NACC2: variants seen among roughly 807,000 people sequenced by gnomAD.
NACC2 encodes the protein NACC family member 2.
A neutral mutation model predicts 25.1 loss-of-function variants in NACC2; 8 were observed. The ratio of observed to expected loss-of-function variants is 0.32; its 90% CI spans 0.19 to 0.57. The LOEUF (loss-of-function observed/expected upper bound fraction) is 0.57. NACC2 is among the 20% of genes least tolerant of loss of function. The probability of loss-of-function intolerance (pLI) is 0.89; values close to 1 mark genes in which losing one functional copy is unlikely to be tolerated. For missense variants in NACC2, 644 were observed against 650.2 expected, an observed-to-expected ratio of 0.99 and a Z score of 0.10; for synonymous variants, 435 against 294.7, an observed-to-expected ratio of 1.48 and a Z score of -4.88.
chr9:136,024,177 T>A (rs537864281), intron 2 of NACC2, among the ~76,000 whole-genome samples: 5 of 88,144 alleles, frequency 5.7e-5, no homozygotes, highest in South Asian at 3.7e-4. Context: ...TGTGTGTGTG[T>A]GAGGACGGAG....
chr9:136,093,184 C>T (rs569661152), intron 1 of NACC2, among the ~76,000 whole-genome samples: 45 of 152,170 alleles, frequency 3.0e-4, no homozygotes, highest in Non-Finnish European at 3.7e-4. Context: ...ACCACACTGC[C>T]CACAAACCAG....
intron 1 of NACC2, among the ~76,000 whole-genome samples, chr9:136,073,396 C>G (rs1210696496): frequency 6.6e-6 from 1 of 151,958 alleles, no homozygotes; most frequent in Non-Finnish European, 1.5e-5. Flanking sequence ...TACCGCTGCA[C>G]TCCAGCCTGG....
chr9:136,078,172 C>A (rs1830282893), intron 1 of NACC2, among the ~76,000 whole-genome samples: 1 of 152,182 alleles, frequency 6.6e-6, no homozygotes, highest in South Asian at 2.1e-4. Context: ...GACCAGGCAC[C>A]CACTCAAACC....
chr9:136,080,367 C>T (rs750543283), intron 1 of NACC2, among the ~76,000 whole-genome samples: 21 of 152,306 alleles, frequency 1.4e-4, no homozygotes, highest in Middle Eastern at 3.4e-3. Context: ...TAGGAAAATC[C>T]GCCCAGCAGC....
intron 3 of NACC2, among the ~76,000 whole-genome samples, chr9:136,014,309 TTTG>T (rs1489568485): frequency 1.3e-5 from 2 of 149,856 alleles, no homozygotes; most frequent in African/African-American, 2.5e-5. Flanking sequence ...AAGAACACAC[TTTG>T]TTGTTGTTTA....
chr9:136,066,218 A>G (rs117522807), intron 1 of NACC2, among the ~76,000 whole-genome samples: 4,140 of 152,024 alleles, frequency 0.027, 77 homozygotes, highest in Non-Finnish European at 0.042. Context: ...AAGAAAGAAA[A>G]AGAAACCAAA....
intron 2 of NACC2, among the ~76,000 whole-genome samples, chr9:136,048,957 G>A (rs959057051): frequency 2.6e-5 from 4 of 152,236 alleles, no homozygotes; most frequent in Non-Finnish European, 5.9e-5. Context: ...CCAGCCAGGT[G>A]GCCAGCCCAG....
At chr9:136,092,354 T>A (rs1830441880) in intron 1 of NACC2, among the ~76,000 whole-genome samples, 1 of 152,058 alleles carries the variant, frequency 6.6e-6, no homozygotes, top group Non-Finnish European at 1.5e-5. Flanking sequence ...CCAAGACCCC[T>A]CATCAGCCCC....
intron 1 of NACC2, among the ~76,000 whole-genome samples, chr9:136,054,876 A>C (rs1840901256): frequency 2.6e-5 from 4 of 151,714 alleles, no homozygotes; most frequent in Non-Finnish European, 5.9e-5. Flanking sequence ...CTTGCTCTCA[A>C]AACGCCCTTC....
chr9:136,060,776 C>T (rs1840998362), intron 1 of NACC2, among the ~76,000 whole-genome samples: 1 of 152,236 alleles, frequency 6.6e-6, no homozygotes, highest in Non-Finnish European at 1.5e-5. Flanking sequence ...GGGCACGTCC[C>T]CACCAGCCTG....
In NACC2 at chr9:136,022,378, G is replaced by A. The variant is rs979767961; in HGVS notation, c.887-5949C>T. On this transcript the variant is annotated intron_variant, in intron 2 of 5. Coordinates refer to ENST00000277554, the MANE Select transcript of NACC2 (RefSeq NM_144653.5). The surrounding 1 kb of genome is among the most constrained non-coding windows in gnomAD (Gnocchi z 4.4). ...GTGTGGACTCAACACCCTCCTGCCC[G>A]ATGCCCAGCAAGGCTGGGACCACAA... is the stretch of plus-strand genomic sequence containing the variant. Among the ~76,000 whole-genome samples, 1 of 152,214 alleles carries A rather than the reference G, an allele frequency of 6.6e-6. No homozygotes were observed. The highest frequency in any genetic ancestry group is 1.5e-5 in the Non-Finnish European group (1 of 68,032).
chr9:136,050,735 A>C (rs977224299), intron 1 of NACC2, among the ~76,000 whole-genome samples, 155 bp from the exon 2 acceptor site: 2 of 151,756 alleles, frequency 1.3e-5, no homozygotes, highest in Admixed American at 1.3e-4. Flanking sequence ...GACACTCCAG[A>C]GAAGGGACAC....
At chr9:136,038,420 G>A (rs1840585064) in intron 2 of NACC2, among the ~76,000 whole-genome samples, 1 of 152,190 alleles carries the variant, frequency 6.6e-6, no homozygotes, top group Non-Finnish European at 1.5e-5. Context: ...TGTGCTTGTA[G>A]TCTCAGCTAC....
chr9:136,012,214 G>A (rs1368826723), intron 5 of NACC2, among the ~76,000 whole-genome samples, 190 bp from the exon 6 acceptor site: 1 of 152,238 alleles, frequency 6.6e-6, no homozygotes, highest in East Asian at 1.9e-4. Flanking sequence ...GGCCTGGGAG[G>A]CCTCCCCACC....
At chr9:136,075,113 G>T (rs1204876729) in intron 1 of NACC2, among the ~76,000 whole-genome samples, 1 of 152,250 alleles carries the variant, frequency 6.6e-6, no homozygotes, top group African/African-American at 2.4e-5. Flanking sequence ...CTCAATGGCG[G>T]CTTCTGCTCC....
chr9:136,069,394 C>CA (rs1841124026), intron 1 of NACC2, among the ~76,000 whole-genome samples: 1 of 151,088 alleles, frequency 6.6e-6, no homozygotes, highest in South Asian at 2.1e-4. Context: ...ACTAAAAATA[C>CA]AAAAATTAGC....
At chr9:136,075,132 G>A (rs1015900781) in intron 1 of NACC2, among the ~76,000 whole-genome samples, 5 of 152,240 alleles carry the variant, frequency 3.3e-5, no homozygotes, top group African/African-American at 7.2e-5. Flanking sequence ...CCCTCAAAGC[G>A]GCAGGCCAGG....
intron 2 of NACC2, among the ~76,000 whole-genome samples, chr9:136,026,581 A>C (rs1348745701): frequency 1.3e-5 from 2 of 152,132 alleles, no homozygotes; most frequent in Non-Finnish European, 2.9e-5. Flanking sequence ...GGAGTGAGGT[A>C]ACGCAGGAGA....
chr9:136,057,092 C>T (rs1388792458), intron 1 of NACC2, among the ~76,000 whole-genome samples: 1 of 152,190 alleles, frequency 6.6e-6, no homozygotes, highest in East Asian at 1.9e-4. Context: ...TCCTCGGCAG[C>T]AGCAGGCTCT....
Sources: gnomAD v4.1 joint callset for allele counts (sites outside exome capture counted in the v4.1 genomes callset) on GRCh38, gnomAD v4.1.1 for gene constraint, Gnocchi (gnomAD v3.1) non-coding constraint, MANE v1.5 for transcripts, NCBI Gene and HGNC (gene_info 2026-07-23, HGNC 2026-07-21) for gene names.